RAD51B: variants seen among roughly 807,000 people sequenced by gnomAD.
RAD51B encodes RAD51 paralog B, also known as DNA repair protein RAD51 homolog 2.
In RAD51B, 38 loss-of-function variants were observed where a neutral mutation model predicts 42.2. The observed-to-expected ratio is 0.90, with a 90% CI of 0.70 to 1.18. The LOEUF is 1.18. Among genes scored for constraint, RAD51B ranks in the 50% most tolerant of loss-of-function variants. RAD51B has a pLI of 0.00. For missense variants in RAD51B, 373 were observed against 400.7 expected, an observed-to-expected ratio of 0.93 and a Z score of 0.59; for synonymous variants, 154 against 145.2, an observed-to-expected ratio of 1.06 and a Z score of -0.43.
intron 7 of RAD51B, among the ~76,000 whole-genome samples, chr14:68,170,556 G>T (rs944135576): frequency 6.6e-6 from 1 of 152,062 alleles, no homozygotes; most frequent in Non-Finnish European, 1.5e-5. Flanking sequence ...ACCCTGAAAT[G>T]ACTACTGTTA....
chr14:68,584,892 CGAGA>C (rs1196146679), intron 10 of RAD51B, among the ~76,000 whole-genome samples: 1 of 152,086 alleles, frequency 6.6e-6, no homozygotes, highest in Non-Finnish European at 1.5e-5. Context: ...ATGAGGAAAC[CGAGA>C]GAGAGGAAGG....
At chr14:68,218,882 A>C (rs1170512633) in intron 7 of RAD51B, among the ~76,000 whole-genome samples, 1 of 152,218 alleles carries the variant, frequency 6.6e-6, no homozygotes, top group Non-Finnish European at 1.5e-5. Flanking sequence ...GATATAATAG[A>C]TTATGCAGCC....
Position 68,054,116 on chromosome 14 carries a change from A to G in RAD51B, c.756+166912A>G, listed in dbSNP as rs562239026. Among the ~76,000 whole-genome samples, 155 of 152,320 alleles carry G rather than the reference A, an allele frequency of 1.0e-3. 1 individual carries two copies. The highest frequency in any genetic ancestry group is 2.9e-3 in the African/African-American group (121 of 41,590). On this transcript the variant is annotated intron_variant, in intron 7 of 10. Coordinates refer to ENST00000471583, the MANE Select transcript of RAD51B (RefSeq NM_133510.4). Reference sequence around the variant, plus strand: ...ATACAAACATGATGTAATTATCAAAACCAGGAAATTAACATTGATACAATA... The same window carrying G: ...ATACAAACATGATGTAATTATCAAAGCCAGGAAATTAACATTGATACAATA...
downstream of RAD51B, among the ~76,000 whole-genome samples, chr14:68,613,632 T>G (rs567134250): frequency 3.0e-4 from 46 of 151,942 alleles, no homozygotes; most frequent in African/African-American, 9.4e-4. Flanking sequence ...TTTTTTGTAT[T>G]TTTAGTAGAG....
At chr14:68,038,173 A>T (rs574724711) in intron 7 of RAD51B, among the ~76,000 whole-genome samples, 1 of 152,362 alleles carries the variant, frequency 6.6e-6, no homozygotes, top group South Asian at 2.1e-4. Flanking sequence ...TTAGTGAATT[A>T]GCTTTGGATT....
chr14:68,610,365 C>A lies in RAD51B; in HGVS notation c.1037-641C>A, dbSNP rs1276036185. The stretch of plus-strand genomic sequence containing the variant: ...AAACCCTTTCCTTCTCCTCCCTGGA[C>A]CTTACCTCTCAGCCTTTGGGCCTCG... On this transcript the variant is annotated intron_variant, in intron 10 of 10. Transcript: ENST00000487861. 2.0e-5 allele frequency among the ~76,000 whole-genome samples: 3 copies of A among 152,230 alleles called. No homozygotes were observed. In the East Asian group the frequency reaches 5.8e-4, roughly 29 times the overall value.
At chr14:68,332,507 G>T (rs1262945265) in intron 8 of RAD51B, among the ~76,000 whole-genome samples, 2 of 152,174 alleles carry the variant, frequency 1.3e-5, no homozygotes, top group African/African-American at 2.4e-5. Context: ...TAGGGTGCAT[G>T]GCTCTTAACT....
chr14:68,034,094 T>TG (rs113721023), intron 7 of RAD51B, among the ~76,000 whole-genome samples: 7 of 152,064 alleles, frequency 4.6e-5, no homozygotes, highest in African/African-American at 1.2e-4. Context: ...AATGTAGCTT[T>TG]GGGGGGGATT....
intron 8 of RAD51B, among the ~76,000 whole-genome samples, chr14:68,308,710 A>AG: frequency 6.7e-6 from 1 of 150,370 alleles, no homozygotes; most frequent in South Asian, 2.1e-4. Context: ...TCATTAAAAA[A>AG]AAAAAAAAAA....
chr14:68,161,245 C>A (rs1302719314), intron 7 of RAD51B, among the ~76,000 whole-genome samples: 1 of 151,914 alleles, frequency 6.6e-6, no homozygotes, highest in Non-Finnish European at 1.5e-5. Flanking sequence ...AGGTATTACA[C>A]ATCATTTTGT....
chr14:68,677,852 A>G (rs973041943), intron 11 of RAD51B, among the ~76,000 whole-genome samples: 43 of 152,108 alleles, frequency 2.8e-4, no homozygotes, highest in Non-Finnish European at 6.0e-4. Context: ...TTGCAGGCTG[A>G]TAAGATGCCA....
chr14:68,086,828 A>C (rs1335338512), intron 7 of RAD51B, among the ~76,000 whole-genome samples: 1 of 152,120 alleles, frequency 6.6e-6, no homozygotes, highest in East Asian at 1.9e-4. Flanking sequence ...GAAAGTTCAG[A>C]ATGGCAGGCA....
intron 10 of RAD51B, among the ~76,000 whole-genome samples, chr14:68,622,865 G>T (rs941565347): frequency 1.3e-5 from 2 of 151,900 alleles, no homozygotes; most frequent in Non-Finnish European, 2.9e-5. Context: ...CTGAGATCCC[G>T]CAGGGAGTCT....
intron 8 of RAD51B, among the ~76,000 whole-genome samples, chr14:68,297,676 G>A (rs1250506194): frequency 1.3e-5 from 2 of 152,210 alleles, no homozygotes; most frequent in African/African-American, 4.8e-5. Flanking sequence ...GTGTCACCAT[G>A]TGACTACAAA....
At chr14:67,992,362 A>C (rs1222237369) in intron 7 of RAD51B, among the ~76,000 whole-genome samples, 1 of 152,172 alleles carries the variant, frequency 6.6e-6, no homozygotes, top group Non-Finnish European at 1.5e-5. Flanking sequence ...CCATATAAAG[A>C]ATATTTGTCT....
chr14:68,262,886 C>G (rs1331297164), intron 7 of RAD51B, among the ~76,000 whole-genome samples: 1 of 152,190 alleles, frequency 6.6e-6, no homozygotes, highest in Non-Finnish European at 1.5e-5. Context: ...GACTATCCAT[C>G]TCTTCATCAA....
intron 11 of RAD51B, among the ~76,000 whole-genome samples, chr14:68,657,642 G>A (rs1393219912): frequency 6.6e-6 from 1 of 152,246 alleles, no homozygotes; most frequent in African/African-American, 2.4e-5. Context: ...TGTCTAGGAG[G>A]GCTAGATTGA....
At chr14:68,180,095 A>G (rs1056916831) in intron 7 of RAD51B, among the ~76,000 whole-genome samples, 7 of 152,180 alleles carry the variant, frequency 4.6e-5, no homozygotes, top group Admixed American at 3.9e-4. Flanking sequence ...CCTGAATAAC[A>G]TGTATAGGCT....
chr14:68,181,461 A>G (rs2079059589), intron 7 of RAD51B, among the ~76,000 whole-genome samples: 1 of 152,220 alleles, frequency 6.6e-6, no homozygotes, highest in Non-Finnish European at 1.5e-5. Flanking sequence ...TTTGAAGAAT[A>G]CCAAGGACCT....
Sources: gnomAD v4.1 joint callset for allele counts (sites outside exome capture counted in the v4.1 genomes callset) on GRCh38, gnomAD v4.1.1 for gene constraint, MANE v1.5 for transcripts, NCBI Gene and HGNC (gene_info 2026-07-23, HGNC 2026-07-21) for gene names.